IL1RAP: variants seen among roughly 807,000 people sequenced by gnomAD.
IL1RAP encodes the protein interleukin 1 receptor accessory protein, also known as interleukin-1 receptor accessory protein.
In IL1RAP, 35 loss-of-function variants were observed where a neutral mutation model predicts 60.7. The ratio of observed to expected loss-of-function variants is 0.58; its 90% confidence interval spans 0.44 to 0.76. The LOEUF is 0.76. Ranked by LOEUF, IL1RAP falls within the 30% of genes least tolerant of loss-of-function variation. The probability of loss-of-function intolerance (pLI) is 0.00; values close to 1 mark genes in which losing one functional copy is unlikely to be tolerated. For missense variants in IL1RAP, 572 were observed against 693.9 expected (o/e 0.82, Z 1.97); for synonymous variants, 268 against 250.9 (o/e 1.07, Z -0.64).
intron 1 of IL1RAP, chr3:190,520,413 AG>A (rs1721912824): frequency 6.6e-6 from 1 of 152,168 alleles, no homozygotes; most frequent in Non-Finnish European, 1.5e-5. Flanking sequence ...GACAATGATA[AG>A]GAGTCATAGG....
chr3:190,645,200 A>C (rs1733929235), intron 10 of IL1RAP, among the ~76,000 whole-genome samples: 1 of 152,252 alleles, frequency 6.6e-6, no homozygotes, highest in Non-Finnish European at 1.5e-5. Context: ...CGGAATCGAT[A>C]GTTTTTAATG....
intron 11 of IL1RAP, among the ~76,000 whole-genome samples, chr3:190,647,599 C>T (rs539421083): frequency 3.3e-5 from 5 of 152,078 alleles, no homozygotes; most frequent in African/African-American, 7.2e-5. Context: ...TAGCAGCTGC[C>T]GAAACACATA....
rs935602244 is a variant in IL1RAP, at chr3:190,539,597, T to A, written c.-88-16533T>A. On this transcript the variant is annotated intron_variant, in intron 1 of 11. Coordinates refer to ENST00000447382, the MANE Select transcript of IL1RAP (RefSeq NM_002182.4). ...TATTCCAATACTTAAAACATCTGTA[T>A]CATATAACTCTGGTGATATTCCTGA... Among the ~76,000 whole-genome samples, 16 of 152,006 alleles carry A rather than the reference T, an allele frequency of 1.1e-4. No individual in the cohort carries two copies. The South Asian group carries it at 1.2e-3, about 12-fold the overall frequency.
chr3:190,562,571 A>T (rs1158587536), intron 2 of IL1RAP, among the ~76,000 whole-genome samples: 1 of 152,002 alleles, frequency 6.6e-6, no homozygotes, highest in Admixed American at 6.6e-5. Context: ...TGCCCATGAG[A>T]GGCTTCGTAG....
chr3:190,522,808 C>A (rs1722203715), intron 1 of IL1RAP, among the ~76,000 whole-genome samples: 1 of 152,100 alleles, frequency 6.6e-6, no homozygotes, highest in Admixed American at 6.5e-5. Flanking sequence ...ACAACAGAAT[C>A]ATGTGGATAC....
intron 5 of IL1RAP, among the ~76,000 whole-genome samples, chr3:190,619,868 A>G (rs2161061): frequency 0.063 from 9,647 of 152,266 alleles, 442 homozygotes; most frequent in East Asian, 0.15. Context: ...TGGAGTCCCA[A>G]ATTAATATAA....
chr3:190,599,536 C>A (rs971028945), intron 3 of IL1RAP, among the ~76,000 whole-genome samples: 1 of 151,198 alleles, frequency 6.6e-6, no homozygotes, highest in Non-Finnish European at 1.5e-5. Flanking sequence ...TTTGCAGAAT[C>A]CTCTCTTTCT....
At chr3:190,543,766 G>A (rs961078060) in intron 1 of IL1RAP, among the ~76,000 whole-genome samples, 1 of 152,164 alleles carries the variant, frequency 6.6e-6, no homozygotes, top group Admixed American at 6.6e-5. Flanking sequence ...TAGTGGTACA[G>A]CAAAGGGTTG....
intron 1 of IL1RAP, among the ~76,000 whole-genome samples, chr3:190,533,735 A>G (rs989979751): frequency 6.6e-6 from 1 of 152,144 alleles, no homozygotes; most frequent in Non-Finnish European, 1.5e-5. Flanking sequence ...TGGATTTTTG[A>G]AATAATTCCT....
rs1377280784 is a variant in IL1RAP at position 190,648,394 on chromosome 3, C to G, written c.1402C>G (p.Leu468Val). 1 of 1,612,372 alleles carries G rather than the reference C, an allele frequency of 6.2e-7. No individual in the cohort carries two copies. Among genetic ancestry groups the G allele is most frequent in the South Asian group, 1.1e-5 (1 of 90,860 alleles). ...GAAAAGCAGACGCCTCCTGGTTGTT[C>G]TAAGCCCCAACTACGTGCTCCAGGG... ...IQKSRRLLVV[L>V]SPNYVLQGTQ... Residue 468 changes from leucine to valine, a missense_variant, in exon 12 of 12, where the codon CTA becomes GTA. Physicochemically the swap from Leu to Val is conservative, Grantham distance 32 (BLOSUM62 1). Transcript: ENST00000447382.
At chr3:190,518,936 A>T (rs1311374965) in intron 1 of IL1RAP, 1 of 152,244 alleles carries the variant, frequency 6.6e-6, no homozygotes, top group Non-Finnish European at 1.5e-5. Context: ...GCACAAAGCA[A>T]GACATGATGC....
At chr3:190,588,417 C>T (rs1301574241) in intron 3 of IL1RAP, among the ~76,000 whole-genome samples, 1 of 152,142 alleles carries the variant, frequency 6.6e-6, no homozygotes, top group Non-Finnish European at 1.5e-5. Context: ...CGGCCTACAT[C>T]TTTCTAAGCA....
At chr3:190,554,586 G>A (rs1280332509) in intron 1 of IL1RAP, 1 of 152,232 alleles carries the variant, frequency 6.6e-6, no homozygotes, top group Non-Finnish European at 1.5e-5. Flanking sequence ...GAATCTCCAA[G>A]AGATACGTGA....
At chr3:190,514,771 C>CGGGGAGA (rs367891226) in intron 1 of IL1RAP, among the ~76,000 whole-genome samples, 83 of 152,262 alleles carry the variant, frequency 5.5e-4, no homozygotes, top group African/African-American at 1.9e-3. Flanking sequence ...TGGAGGAGCG[C>CGGGGAGA]GGGGAGAGAG....
chr3:190,522,419 G>GTATCTATGTATC (rs1722148942), intron 1 of IL1RAP, among the ~76,000 whole-genome samples: 9 of 142,746 alleles, frequency 6.3e-5, no homozygotes, highest in African/African-American at 2.1e-4. Flanking sequence ...ATGTATCTAT[G>GTATCTATGTATC]TATCTATCTA....
At chr3:190,521,408 T>G (rs149436292) in intron 1 of IL1RAP, among the ~76,000 whole-genome samples, 1 of 151,914 alleles carries the variant, frequency 6.6e-6, no homozygotes, top group Non-Finnish European at 1.5e-5. Flanking sequence ...AGCTAATAAA[T>G]AGTAGAACTG....
At chr3:190,543,731 G>A (rs577017086) in intron 1 of IL1RAP, among the ~76,000 whole-genome samples, 1 of 152,274 alleles carries the variant, frequency 6.6e-6, no homozygotes, top group East Asian at 1.9e-4. Flanking sequence ...TGTACCTGTG[G>A]TGGGAGTGCT....
rs745727710 is a variant in IL1RAP at position 190,649,769 on chromosome 3, A to C, written c.*1064A>C. The C allele has an allele frequency of 2.0e-5, 20 of 985,380 alleles. No individual in the cohort carries two copies. Among genetic ancestry groups the C allele is most frequent in the Non-Finnish European group, 2.2e-5 (18 of 829,854 alleles). The allele number at this position is 985,380 out of a possible 1,614,324, so 61.0% of individuals were successfully genotyped here. ...GAATTAACTGTATTTCCTGTCACCT[A>C]TTCACTAGTGCAGGAAATATACTTG... On this transcript the variant is annotated 3_prime_UTR_variant, in exon 12 of 12. Transcript: ENST00000447382.
intron 3 of IL1RAP, among the ~76,000 whole-genome samples, chr3:190,588,078 A>T (rs765588192): frequency 6.6e-6 from 1 of 152,128 alleles, no homozygotes. Flanking sequence ...TCCTACCTCA[A>T]AGCATACGGA....
Sources: allele counts gnomAD v4.1 joint callset (sites outside exome capture counted in the v4.1 genomes callset), GRCh38; gene constraint gnomAD v4.1.1; transcripts MANE v1.5; gene names NCBI Gene and HGNC (gene_info 2026-07-23, HGNC 2026-07-21).